COL14A1: variants seen among roughly 807,000 people sequenced by gnomAD.
COL14A1 encodes collagen alpha-1(XIV) chain.
Under a neutral mutation model 230.3 loss-of-function variants are expected in COL14A1, and 136 were observed. That is an observed-to-expected ratio of 0.59 (90% CI 0.51 to 0.68). The LOEUF is 0.68. Among genes scored for constraint, COL14A1 ranks in the 30% least tolerant of loss-of-function variants. The pLI, the probability that COL14A1 is intolerant of heterozygous loss-of-function variation, is 0.00. For synonymous variants in COL14A1, 792 were observed against 784.1 expected (o/e 1.01, Z -0.17); for missense variants, 1,976 against 2,215.8 (o/e 0.89, Z 2.17).
chr8:120,327,892 G>C (rs1335824699), intron 40 of COL14A1, among the ~76,000 whole-genome samples: 1 of 151,562 alleles, frequency 6.6e-6, no homozygotes, highest in Non-Finnish European at 1.5e-5. Context: ...AGCCTCCCAA[G>C]TAGCTGGGAT....
chr8:120,303,872 CT>C (rs375716593), intron 36 of COL14A1, among the ~76,000 whole-genome samples: 1 of 150,612 alleles, frequency 6.6e-6, no homozygotes, highest in East Asian at 1.9e-4. Context: ...TGGCCCTGGG[CT>C]TTTTTTTTGG....
In COL14A1 at chr8:120,208,325, A is replaced by G; in HGVS notation, c.1285A>G (p.Thr429Ala). 1.9e-6 allele frequency: 3 copies of G among 1,613,700 alleles called. No individual in the cohort carries two copies. The highest frequency in any genetic ancestry group is 2.5e-6 in the Non-Finnish European group (3 of 1,179,798). The change falls in exon 11 of 48, where the codon ACT becomes GCT. Residue 429 changes from threonine (T) to alanine (A), a missense_variant. Physicochemically the swap from Thr to Ala is moderately conservative, Grantham distance 58. Transcript: ENST00000297848. ...AGCAGTCTTTGCAATCTATGCCCAC[A>G]CTGCTAGTGAAGGCCTACGGGGAAC... ...QIAVFAIYAH[T>A]ASEGLRGTET...
chr8:120,166,014 T>G (rs1038977667), intron 4 of COL14A1, among the ~76,000 whole-genome samples: 1 of 152,204 alleles, frequency 6.6e-6, no homozygotes, highest in Non-Finnish European at 1.5e-5. Context: ...GTGGTCATTG[T>G]GGCATATCTG....
chr8:120,219,860 A>G (rs1817874625), intron 14 of COL14A1, among the ~76,000 whole-genome samples: 1 of 152,204 alleles, frequency 6.6e-6, no homozygotes, highest in African/African-American at 2.4e-5. Context: ...TTAGAAAGCT[A>G]TGTTTGGTAA....
chr8:120,325,664 T>C (rs1045406713), intron 40 of COL14A1, among the ~76,000 whole-genome samples: 2 of 152,146 alleles, frequency 1.3e-5, no homozygotes, highest in African/African-American at 4.8e-5. Context: ...AGCTAGTTTT[T>C]GTATTTTTAG....
Position 120,247,688 on chromosome 8 carries a change from C to T in COL14A1, c.2555C>T (p.Pro852Leu), listed in dbSNP as rs745364328. The T allele has an allele frequency of 1.9e-6, 3 of 1,614,158 alleles. No individual in the cohort carries two copies. Among genetic ancestry groups the T allele is most frequent in the South Asian group, 1.1e-5 (1 of 91,074 alleles). ...YNRLRITWDP[P>L]SSPVKGYRIV... ...CGGTTGCGCATTACGTGGGACCCCCCATCTTCCCCGGTGAAAGGCTATAGA... is the reference window on the plus strand; with the variant it reads ...CGGTTGCGCATTACGTGGGACCCCCTATCTTCCCCGGTGAAAGGCTATAGA... The change falls in exon 21 of 48, where the codon CCA becomes CTA. Residue 852 changes from proline (P) to leucine (L), a missense_variant. Around this residue, in one of 3 missense-constraint regions of COL14A1, gnomAD observed 1,791 missense variants for 2,019.5 expected, o/e 0.89. Coordinates refer to ENST00000297848, the MANE Select transcript of COL14A1 (RefSeq NM_021110.4).
intron 19 of COL14A1, among the ~76,000 whole-genome samples, chr8:120,238,779 C>G: frequency 6.6e-6 from 1 of 152,256 alleles, no homozygotes; most frequent in Middle Eastern, 3.4e-3. Flanking sequence ...TTGCAAAGAC[C>G]GTGGGAAAAG....
chr8:120,127,047 C>T (rs1328374323), intron 1 of COL14A1, among the ~76,000 whole-genome samples: 3 of 152,150 alleles, frequency 2.0e-5, no homozygotes, highest in Non-Finnish European at 2.9e-5. Context: ...AATATTTTAG[C>T]ACCCCAAAAA....
At chr8:120,166,486 G>A (rs192397606) in intron 4 of COL14A1, among the ~76,000 whole-genome samples, 24 of 151,982 alleles carry the variant, frequency 1.6e-4, no homozygotes, top group African/African-American at 4.3e-4. Context: ...GACTCAAAAC[G>A]GAAGTTTCTC....
At chr8:120,339,123 C>T (rs959238136) in intron 42 of COL14A1, among the ~76,000 whole-genome samples, 8 of 152,226 alleles carry the variant, frequency 5.3e-5, no homozygotes, top group East Asian at 1.9e-4. Context: ...CACAGGCACG[C>T]GCCACCACGC....
rs35420329 is a variant in COL14A1, at chr8:120,158,564, G to A, written c.205+318G>A. Reference sequence around the variant, plus strand: ...ATGCACCTGAATGTCCAATAGTTTTGACTAGTTGAATAAACTATTATTAAT... The same window carrying A: ...ATGCACCTGAATGTCCAATAGTTTTAACTAGTTGAATAAACTATTATTAAT... On this transcript the variant is annotated intron_variant, in intron 3 of 47. Coordinates refer to ENST00000297848, the MANE Select transcript of COL14A1 (RefSeq NM_021110.4). Among the ~76,000 whole-genome samples, 58,603 of 151,906 alleles carry A rather than the reference G, an allele frequency of 0.39. 12,932 individuals are homozygous for A. Among genetic ancestry groups the A allele is most frequent in the African/African-American group, 0.61 (25,209 of 41,424 alleles).
chr8:120,288,905 G>C (rs910939275), intron 33 of COL14A1, among the ~76,000 whole-genome samples: 2 of 152,136 alleles, frequency 1.3e-5, no homozygotes, highest in South Asian at 4.1e-4. Flanking sequence ...TTTTATGGCA[G>C]AACTTGGACA....
chr8:120,276,363 G>A (rs890976681), intron 26 of COL14A1, among the ~76,000 whole-genome samples: 14 of 149,382 alleles, frequency 9.4e-5, no homozygotes, highest in South Asian at 2.2e-4. Context: ...TCAGAGTGGG[G>A]AGGGTGGAAG....
At chr8:120,300,157 T>A (rs887029957) in intron 35 of COL14A1, among the ~76,000 whole-genome samples, 1 of 151,850 alleles carries the variant, frequency 6.6e-6, no homozygotes, top group African/African-American at 2.4e-5. Flanking sequence ...AGAAGAAAAA[T>A]GTTCTCCTAT....
chr8:120,212,549 T>C lies in COL14A1; in HGVS notation c.1569T>C (p.Ser523=). ...TVYAMFGEEA[S]DPVTGQETTL... The stretch of plus-strand genomic sequence containing the variant: ...ATGCCATGTTTGGAGAAGAGGCCAG[T>C]GATCCTGTTACGGGACAAGAAACAA... Residue 523 remains serine (S), a synonymous_variant, in exon 13 of 48, where the codon AGT becomes AGC. Coordinates refer to ENST00000297848, the MANE Select transcript of COL14A1 (RefSeq NM_021110.4). 1 of 1,613,626 alleles carries C rather than the reference T, an allele frequency of 6.2e-7. No individual in the cohort carries two copies. The highest frequency in any genetic ancestry group is 8.5e-7 in the Non-Finnish European group (1 of 1,179,654).
At position 120,371,853 on chromosome 8, in the gene COL14A1, T is replaced by C. The variant is rs1812167675; in HGVS notation, c.*622T>C. ...TTAGTTTTTCAGTGGTTTTAACTCA[T>C]GTGAAATAATGATTTTCCACCAGCT... On this transcript the variant is annotated 3_prime_UTR_variant, in exon 48 of 48. Transcript: ENST00000297848. 5.3e-6 allele frequency: 2 copies of C among 376,884 alleles called. No homozygotes were observed. Among genetic ancestry groups the C allele is most frequent in the East Asian group, 3.7e-5 (1 of 26,706 alleles). The allele number at this position is 376,884 out of a possible 1,614,324, so 23.3% of individuals were successfully genotyped here.
At chr8:120,368,491 G>T (rs947225800) in intron 46 of COL14A1, among the ~76,000 whole-genome samples, 2 of 151,624 alleles carry the variant, frequency 1.3e-5, no homozygotes, top group African/African-American at 4.8e-5. Flanking sequence ...TATTCAAATA[G>T]AAGGTGATAC....
At chr8:120,203,340 T>C (rs1162371784) in intron 8 of COL14A1, among the ~76,000 whole-genome samples, 1 of 115,418 alleles carries the variant, frequency 8.7e-6, no homozygotes, top group African/African-American at 3.9e-5. Flanking sequence ...TGAAACAGCC[T>C]CTCAGATGGG....
At chr8:120,259,439 A>G (rs551525349) in intron 23 of COL14A1, among the ~76,000 whole-genome samples, 1 of 152,156 alleles carries the variant, frequency 6.6e-6, no homozygotes, top group Non-Finnish European at 1.5e-5. Flanking sequence ...TCCTTTTGGC[A>G]TGAGAGGTTG....
Sources: allele counts gnomAD v4.1 joint callset (sites outside exome capture counted in the v4.1 genomes callset), GRCh38; gene constraint gnomAD v4.1.1; regional missense constraint gnomAD v4.1.1; transcripts MANE v1.5; gene names NCBI Gene and HGNC (gene_info 2026-07-23, HGNC 2026-07-21).